RBMS3: variants seen among roughly 807,000 people sequenced by gnomAD.
RBMS3 encodes the protein RNA-binding motif, single-stranded-interacting protein 3.
In RBMS3, 27 loss-of-function variants were observed where a neutral mutation model predicts 66.8. The observed-to-expected ratio is 0.40, with a 90% CI of 0.30 to 0.56. The LOEUF (loss-of-function observed/expected upper bound fraction) is 0.56. Ranked by LOEUF, RBMS3 falls within the 20% of genes least tolerant of loss-of-function variation. The pLI is 0.40. For synonymous variants in RBMS3, 188 were observed against 183.0 expected (o/e 1.03, Z -0.22); for missense variants, 513 against 549.5 (o/e 0.93, Z 0.66).
intron 12 of RBMS3, among the ~76,000 whole-genome samples, chr3:29,961,177 A>C (rs191313913): frequency 1.3e-5 from 2 of 152,252 alleles, no homozygotes; most frequent in East Asian, 1.9e-4. Context: ...TCAAAGTTCC[A>C]CAGATCTCTA....
chr3:29,991,232 T>C (rs760013181), intron 14 of RBMS3, 23 bp downstream of exon 14: 1 of 1,613,784 alleles, frequency 6.2e-7, no homozygotes, highest in East Asian at 2.2e-5. Context: ...TGTGCTAAGC[T>C]CTTTTCCTCA....
chr3:29,512,604 A>G (rs2044457635), intron 3 of RBMS3, among the ~76,000 whole-genome samples: 2 of 152,184 alleles, frequency 1.3e-5, no homozygotes, highest in Non-Finnish European at 2.9e-5. Flanking sequence ...TTCATCAAGA[A>G]ACTGACCCAA....
chr3:29,995,792 G>A lies in RBMS3; in HGVS notation c.1307+4583G>A, dbSNP rs546587618. ...GCACTAAACATGGAAAGGAACAACC[G>A]GTACCAGCCACTGCAAAATCATGCC... On this transcript the variant is annotated intron_variant, in intron 14 of 14. Transcript: ENST00000383767. Among the ~76,000 whole-genome samples, 68 of 152,216 alleles carry A rather than the reference G, an allele frequency of 4.5e-4. No individual in the cohort carries two copies. In the East Asian group the frequency reaches 5.6e-3, roughly 13 times the overall value.
intron 6 of RBMS3, among the ~76,000 whole-genome samples, chr3:29,781,353 C>T (rs937151023): frequency 6.6e-6 from 1 of 152,074 alleles, no homozygotes; most frequent in Non-Finnish European, 1.5e-5. Flanking sequence ...ATTTACAATT[C>T]ACCCACATGG....
intron 6 of RBMS3, among the ~76,000 whole-genome samples, chr3:29,795,430 T>C (rs2057151625): frequency 2.0e-5 from 3 of 152,220 alleles, no homozygotes; most frequent in Admixed American, 6.5e-5. Flanking sequence ...AATACAGCAT[T>C]ATTTTCTTTT....
At chr3:29,656,194 G>C (rs2050321694) in intron 4 of RBMS3, among the ~76,000 whole-genome samples, 1 of 152,104 alleles carries the variant, frequency 6.6e-6, no homozygotes, top group Non-Finnish European at 1.5e-5. Flanking sequence ...GTAGTCTACA[G>C]CAGTGTACAA....
intron 1 of RBMS3, among the ~76,000 whole-genome samples, chr3:29,376,831 G>A (rs2125613801): frequency 6.6e-6 from 1 of 152,312 alleles, no homozygotes. Flanking sequence ...GTTGAACCCG[G>A]GAGGCGGAGG....
chr3:29,701,079 C>T (rs1049581549), intron 4 of RBMS3, among the ~76,000 whole-genome samples: 3 of 152,118 alleles, frequency 2.0e-5, no homozygotes, highest in Non-Finnish European at 4.4e-5. Flanking sequence ...GAGTTCGAGA[C>T]CAGCCTGGCC....
intron 3 of RBMS3, among the ~76,000 whole-genome samples, chr3:29,493,589 A>C (rs1466215176): frequency 6.6e-6 from 1 of 152,182 alleles, no homozygotes; most frequent in African/African-American, 2.4e-5. Context: ...ATATATTATT[A>C]TTATTATTAT....
chr3:29,697,704 C>T (rs2052344967), intron 4 of RBMS3, among the ~76,000 whole-genome samples: 1 of 152,026 alleles, frequency 6.6e-6, no homozygotes, highest in Non-Finnish European at 1.5e-5. Flanking sequence ...TCATATATAC[C>T]TTATATACAT....
chr3:29,390,355 A>G (rs952959284), intron 1 of RBMS3, among the ~76,000 whole-genome samples: 1 of 152,046 alleles, frequency 6.6e-6, no homozygotes. Flanking sequence ...CTATTGCTAC[A>G]TATTTAAAGA....
intron 3 of RBMS3, among the ~76,000 whole-genome samples, chr3:29,554,880 A>G (rs966402117): frequency 1.3e-5 from 2 of 152,154 alleles, no homozygotes; most frequent in Non-Finnish European, 2.9e-5. Flanking sequence ...CTGTAAGCAA[A>G]AATATAATTT....
intron 1 of RBMS3, among the ~76,000 whole-genome samples, chr3:29,360,273 T>C (rs2037493986): frequency 6.6e-6 from 1 of 152,102 alleles, no homozygotes; most frequent in Admixed American, 6.5e-5. Flanking sequence ...TTTCAAAGAA[T>C]ATCTTTATTT....
chr3:29,578,323 G>A (rs572541263), intron 3 of RBMS3, among the ~76,000 whole-genome samples: 26 of 152,086 alleles, frequency 1.7e-4, no homozygotes, highest in Non-Finnish European at 2.8e-4. Context: ...TGTTTTTACC[G>A]TGTACATTTG....
chr3:29,282,977 G>A (rs555743287), intron 1 of RBMS3, among the ~76,000 whole-genome samples: 5 of 152,084 alleles, frequency 3.3e-5, no homozygotes, highest in African/African-American at 7.2e-5. Flanking sequence ...CTCCAAGGTC[G>A]ACTCACACTG....
chr3:29,492,870 T>G (rs866646086), intron 3 of RBMS3, among the ~76,000 whole-genome samples: 12 of 152,204 alleles, frequency 7.9e-5, no homozygotes, highest in African/African-American at 2.4e-4. Flanking sequence ...CATTATAACA[T>G]GTAGGCCATT....
Position 29,710,951 on chromosome 3 carries a change from C to A in RBMS3, c.400-28769C>A, listed in dbSNP as rs114807903. Among the ~76,000 whole-genome samples, 704 of 152,192 alleles carry A rather than the reference C, an allele frequency of 4.6e-3. 3 individuals carry two copies. Among genetic ancestry groups the A allele is most frequent in the Non-Finnish European group, 5.3e-3 (360 of 68,008 alleles). On this transcript the variant is annotated intron_variant, in intron 4 of 14. Transcript: ENST00000383767. ...AGTTCATCATAAAATATTTGAGCACCTACTATGTGTCAGGCACTGTTCCAC... is the reference window on the plus strand; with the variant it reads ...AGTTCATCATAAAATATTTGAGCACATACTATGTGTCAGGCACTGTTCCAC...
intron 1 of RBMS3, among the ~76,000 whole-genome samples, chr3:29,326,834 G>A (rs577164162): frequency 6.4e-4 from 97 of 151,610 alleles, no homozygotes; most frequent in Non-Finnish European, 7.4e-4. Context: ...GGGTTCCAGC[G>A]ATTCTCCTGC....
chr3:29,661,864 C>A (rs986645251), intron 4 of RBMS3, among the ~76,000 whole-genome samples: 2 of 152,074 alleles, frequency 1.3e-5, no homozygotes, highest in Admixed American at 1.3e-4. Flanking sequence ...GCATGATGCC[C>A]CCAACTTAGT....
Sources: gnomAD v4.1 joint callset for allele counts (sites outside exome capture counted in the v4.1 genomes callset) on GRCh38, gnomAD v4.1.1 for gene constraint, MANE v1.5 for transcripts, NCBI Gene and HGNC (gene_info 2026-07-23, HGNC 2026-07-21) for gene names.